The following SORCS1 variants were observed in gnomAD, a reference collection of about 807,000 sequenced individuals.
SORCS1 encodes the protein sortilin related VPS10 domain containing receptor 1.
A neutral mutation model predicts 146.1 loss-of-function variants in SORCS1; 60 were observed. The ratio of observed to expected loss-of-function variants is 0.41; its 90% confidence interval spans 0.33 to 0.51. The LOEUF is 0.51. Among genes scored for constraint, SORCS1 ranks in the 20% least tolerant of loss-of-function variants. The pLI is 0.21. For synonymous variants in SORCS1, 637 were observed against 584.0 expected (o/e 1.09, Z -1.31); for missense variants, 1,352 against 1,487.6 (o/e 0.91, Z 1.50).
intron 2 of SORCS1, among the ~76,000 whole-genome samples, chr10:106,912,008 G>A (rs1472929690): frequency 6.6e-6 from 1 of 151,732 alleles, no homozygotes; most frequent in Non-Finnish European, 1.5e-5. Context: ...AGCTACTCAG[G>A]AGGCTGAGAC....
chr10:106,617,535 A>T (rs1448039277), intron 21 of SORCS1, among the ~76,000 whole-genome samples: 1 of 152,092 alleles, frequency 6.6e-6, no homozygotes, highest in Non-Finnish European at 1.5e-5. Context: ...TCAATCAATG[A>T]CTCCATCTTT....
At chr10:106,649,445 T>C (rs1480134970) in intron 18 of SORCS1, among the ~76,000 whole-genome samples, 1 of 152,192 alleles carries the variant, frequency 6.6e-6, no homozygotes, top group African/African-American at 2.4e-5. Flanking sequence ...TTTCAATATC[T>C]CTATTATTGT....
chr10:106,863,927 G>A (rs923714243), intron 2 of SORCS1, among the ~76,000 whole-genome samples: 15 of 151,878 alleles, frequency 9.9e-5, no homozygotes, highest in African/African-American at 3.4e-4. Flanking sequence ...CTGTGTAGAC[G>A]AAAACACTCA....
chr10:107,096,535 C>T (rs529939644), intron 1 of SORCS1, among the ~76,000 whole-genome samples: 16 of 152,094 alleles, frequency 1.1e-4, no homozygotes, highest in African/African-American at 2.7e-4. Flanking sequence ...TATTTTGAGA[C>T]GGAGTCTCCT....
chr10:106,668,825 C>G (rs1851366394), intron 16 of SORCS1, among the ~76,000 whole-genome samples: 1 of 152,102 alleles, frequency 6.6e-6, no homozygotes, highest in African/African-American at 2.4e-5. Flanking sequence ...TTTACGAATG[C>G]TGGAGAGGGA....
chr10:106,656,147 A>G (rs1850267474), intron 17 of SORCS1, among the ~76,000 whole-genome samples: 1 of 152,094 alleles, frequency 6.6e-6, no homozygotes, highest in Non-Finnish European at 1.5e-5. Flanking sequence ...AACAACCCCA[A>G]TTTTTAGCTA....
At chr10:106,797,365 C>CTCT (rs200122336) in intron 3 of SORCS1, among the ~76,000 whole-genome samples, 5 of 151,712 alleles carry the variant, frequency 3.3e-5, no homozygotes, top group South Asian at 4.2e-4. Flanking sequence ...GCCTAAATTT[C>CTCT]TCTAAGACTG....
At chr10:107,151,846 TG>T (rs1033186856) in intron 1 of SORCS1, among the ~76,000 whole-genome samples, 4 of 152,152 alleles carry the variant, frequency 2.6e-5, no homozygotes, top group African/African-American at 9.7e-5. Context: ...AGAGAAATTC[TG>T]GGGGGAGAAA....
chr10:106,841,657 G>A (rs1260801672), intron 2 of SORCS1, among the ~76,000 whole-genome samples: 1 of 152,160 alleles, frequency 6.6e-6, no homozygotes, highest in Non-Finnish European at 1.5e-5. Context: ...AGTATCTGAG[G>A]TATGCCTATA....
intron 1 of SORCS1, among the ~76,000 whole-genome samples, chr10:106,981,176 C>A (rs1043515615): frequency 2.6e-5 from 4 of 152,142 alleles, no homozygotes; most frequent in African/African-American, 9.7e-5. Flanking sequence ...CCCCTCCCTC[C>A]AGATAAATAA....
At chr10:107,038,196 C>A (rs181462657) in intron 1 of SORCS1, among the ~76,000 whole-genome samples, 5 of 152,086 alleles carry the variant, frequency 3.3e-5, no homozygotes, top group Admixed American at 6.5e-5. Flanking sequence ...AGAGGAAAAA[C>A]GGAGATTCAT....
chr10:107,129,755 A>G (rs1301142544), intron 1 of SORCS1, among the ~76,000 whole-genome samples: 1 of 152,206 alleles, frequency 6.6e-6, no homozygotes, highest in Non-Finnish European at 1.5e-5. Context: ...AGTGCCCCTA[A>G]TAACTTCTTT....
intron 24 of SORCS1, among the ~76,000 whole-genome samples, chr10:106,583,954 G>T (rs1471437740): frequency 1.9e-4 from 29 of 152,158 alleles, no homozygotes; most frequent in Non-Finnish European, 1.5e-5. Flanking sequence ...CATTCCTGGA[G>T]AACTGCTACT....
intron 7 of SORCS1, 83 bp from the exon 8 acceptor site, chr10:106,706,717 G>A: frequency 2.3e-6 from 3 of 1,283,176 alleles, no homozygotes; most frequent in Non-Finnish European, 2.3e-6. Flanking sequence ...AATGGAAGGA[G>A]GAAGCTTCCA....
intron 1 of SORCS1, among the ~76,000 whole-genome samples, chr10:107,153,660 T>G (rs1218285634): frequency 6.6e-6 from 1 of 152,204 alleles, no homozygotes; most frequent in Non-Finnish European, 1.5e-5. Context: ...CAATAGTGAT[T>G]AAAAGGGAAA....
At chr10:106,629,047 T>A (rs570231177) in intron 19 of SORCS1, among the ~76,000 whole-genome samples, 155 bp downstream of exon 19, 1 of 152,256 alleles carries the variant, frequency 6.6e-6, no homozygotes. Context: ...TTCTTCTCAC[T>A]CTTTCCTTAT....
intron 18 of SORCS1, among the ~76,000 whole-genome samples, chr10:106,647,400 A>ACACACACACACACC (rs1478263365): frequency 6.6e-6 from 1 of 151,964 alleles, no homozygotes; most frequent in Non-Finnish European, 1.5e-5. Flanking sequence ...ACACACACAC[A>ACACACACACACACC]CACACACACA....
At chr10:106,746,548 G>A (rs1456306299) in intron 5 of SORCS1, among the ~76,000 whole-genome samples, 2 of 152,198 alleles carry the variant, frequency 1.3e-5, no homozygotes, top group East Asian at 3.8e-4. Flanking sequence ...TTATATTTAT[G>A]ATTCAGGCAT....
intron 1 of SORCS1, among the ~76,000 whole-genome samples, chr10:107,021,440 G>T (rs943473009): frequency 6.8e-6 from 1 of 146,838 alleles, no homozygotes; most frequent in African/African-American, 2.5e-5. Context: ...CGTGAACCCG[G>T]GAGGCAGAAC....
Sources: allele counts gnomAD v4.1 joint callset (sites outside exome capture counted in the v4.1 genomes callset), GRCh38; gene constraint gnomAD v4.1.1; transcripts MANE v1.5; gene names NCBI Gene and HGNC (gene_info 2026-07-23, HGNC 2026-07-21).